The following PIK3CG variants were observed in gnomAD, a reference collection of about 807,000 sequenced individuals.
PIK3CG encodes the protein phosphatidylinositol 4,5-bisphosphate 3-kinase catalytic subunit gamma isoform.
A neutral mutation model predicts 102.3 loss-of-function variants in PIK3CG; 55 were observed. That is an observed-to-expected ratio of 0.54 (90% CI 0.43 to 0.67). The LOEUF (loss-of-function observed/expected upper bound fraction) is 0.67, where lower values mean the gene tolerates loss of function less well. PIK3CG is among the 30% of genes least tolerant of loss of function. PIK3CG has a pLI of 0.00. For synonymous variants in PIK3CG, 552 were observed against 540.0 expected, an observed-to-expected ratio of 1.02 and a Z score of -0.31; for missense variants, 1,258 against 1,391.8, an observed-to-expected ratio of 0.90 and a Z score of 1.53.
Position 106,890,100 on chromosome 7 carries a change from TAAAC to T in PIK3CG, c.3030+3812_3030+3815del, listed in dbSNP as rs1441196172. On this transcript the variant is annotated intron_variant, in intron 10 of 10. Transcript: ENST00000496166. This position sits in a 1 kb window ranked among gnomAD's most constrained non-coding sequence, Gnocchi z 4.2. ...CTGAACAGTTATAGAATATATATAATAAACAAATGTATTTATATCATTGGCAAAT... is the reference window on the plus strand; with the variant it reads ...CTGAACAGTTATAGAATATATATAATAAATGTATTTATATCATTGGCAAAT... 1.3e-5 allele frequency among the ~76,000 whole-genome samples: 2 copies of T among 152,252 alleles called. No individual in the cohort carries two copies. Among genetic ancestry groups the T allele is most frequent in the African/African-American group, 4.8e-5 (2 of 41,468 alleles).
At position 106,907,781 on chromosome 7, in the gene PIK3CG, T is replaced by TATATATATAACATATATATGCTA. The variant is rs1169507330; in HGVS notation, c.*2403_*2404insACATATATATGCTAATATATATA. ...TATATATATAACATATATATGCTAA[T>TATATATATAACATATATATGCTA]ATATATATATCACACATATATATCA... On this transcript the variant is annotated 3_prime_UTR_variant, in exon 11 of 11. Transcript: ENST00000496166. 2.0e-5 allele frequency among the ~76,000 whole-genome samples: 3 copies of TATATATATAACATATATATGCTA among 147,502 alleles called. No individual in the cohort carries two copies. The highest frequency in any genetic ancestry group is 7.4e-5 in the African/African-American group (3 of 40,586).
Position 106,892,214 on chromosome 7 carries a change from T to A in PIK3CG, c.3030+5922T>A, listed in dbSNP as rs187536746. On this transcript the variant is annotated intron_variant, in intron 10 of 10. Coordinates refer to ENST00000496166, the MANE Select transcript of PIK3CG (RefSeq NM_001282426.2). This position sits in a 1 kb window ranked among gnomAD's most constrained non-coding sequence, Gnocchi z 5.2. ...AGGGCTGCAGCCATCTCAGCATCAT[T>A]TCCGGTCACTATTCTCTACCTCCCC... Among the ~76,000 whole-genome samples the A allele has an allele frequency of 8.0e-4, 121 of 152,028 alleles. 2 individuals carry two copies. Among genetic ancestry groups the A allele is most frequent in the South Asian group, 2.1e-4 (1 of 4,786 alleles).
chr7:106,874,663 AACTCACATAACTCTT>A lies in PIK3CG; in HGVS notation c.2288-36_2288-22del. The A allele has an allele frequency of 8.2e-7, 1 of 1,221,744 alleles. No homozygotes were observed. Among genetic ancestry groups the A allele is most frequent in the Non-Finnish European group, 1.2e-6 (1 of 825,606 alleles). 75.7% of individuals were successfully genotyped at this position (1,221,744 alleles called of 1,614,324 possible). A position where few individuals can be genotyped will look rare whatever the true frequency, so the allele number is the denominator to read the frequency against. On this transcript the variant is annotated intron_variant, in intron 4 of 10. Transcript: ENST00000496166. This position sits in a 1 kb window ranked among gnomAD's most constrained non-coding sequence, Gnocchi z 4.3. ...AATAGATAATATTGATGATTTCTGG[AACTCACATAACTCTT>A]GTGTACTTTTGACAATTACAGTTAT...
Position 106,867,530 on chromosome 7 carries a change from C to G in PIK3CG, c.-12-20C>G, listed in dbSNP as rs1790329066. The G allele has an allele frequency of 6.6e-7, 1 of 1,521,702 alleles. No homozygotes were observed. The highest frequency in any genetic ancestry group is 1.4e-5 in the African/African-American group (1 of 71,836). 94.3% of individuals were successfully genotyped at this position (1,521,702 alleles called of 1,614,324 possible). On this transcript the variant is annotated intron_variant, in intron 1 of 10. Coordinates refer to ENST00000496166, the MANE Select transcript of PIK3CG (RefSeq NM_001282426.2). The surrounding 1 kb of genome is among the most constrained non-coding windows in gnomAD (Gnocchi z 5.1). ...AAAGTGCCTTTCTTGTGACAAATCC[C>G]TGTGTCCCTCCGCTCCCAGGTCGCA...
intron 10 of PIK3CG, among the ~76,000 whole-genome samples, chr7:106,888,472 TC>T (rs1473008201): frequency 2.0e-5 from 3 of 152,210 alleles, no homozygotes; most frequent in Non-Finnish European, 2.9e-5. Context: ...AGAGGTTTCT[TC>T]CCACTATCGG....
Position 106,867,439 on chromosome 7 carries a change from G to A in PIK3CG, c.-12-111G>A, listed in dbSNP as rs1405098729. 10 of 966,884 alleles carry A rather than the reference G, an allele frequency of 1.0e-5. No individual in the cohort carries two copies. Among genetic ancestry groups the A allele is most frequent in the Non-Finnish European group, 1.4e-5 (9 of 641,250 alleles). 59.9% of individuals were successfully genotyped at this position (966,884 alleles called of 1,614,324 possible). On this transcript the variant is annotated intron_variant, in intron 1 of 10. Coordinates refer to ENST00000496166, the MANE Select transcript of PIK3CG (RefSeq NM_001282426.2). This position sits in a 1 kb window ranked among gnomAD's most constrained non-coding sequence, Gnocchi z 5.1. ...CAGTTTAAAATACTTGGTCCCTCTG[G>A]GTCCCTGTGCACATGTACGCCGCCT...
Position 106,883,242 on chromosome 7 carries a change from G to C in PIK3CG, c.2760+79G>C, listed in dbSNP as rs1790995825. 2.1e-6 allele frequency: 3 copies of C among 1,462,868 alleles called. No individual in the cohort carries two copies. The highest frequency in any genetic ancestry group is 2.8e-6 in the Non-Finnish European group (3 of 1,053,284). 90.6% of individuals were successfully genotyped at this position (1,462,868 alleles called of 1,614,324 possible). A position where few individuals can be genotyped will look rare whatever the true frequency, so the allele number is the denominator to read the frequency against. On this transcript the variant is annotated intron_variant, in intron 8 of 10. Transcript: ENST00000496166. This position sits in a 1 kb window ranked among gnomAD's most constrained non-coding sequence, Gnocchi z 5.8. ...TAGCAGTAGTGGCTTCAAGTTTTCA[G>C]AGAATCTGCCAGTGTCTTGCCTCCT...
intron 10 of PIK3CG, among the ~76,000 whole-genome samples, chr7:106,901,801 C>G (rs1039227990): frequency 1.3e-5 from 2 of 152,164 alleles, no homozygotes; most frequent in Non-Finnish European, 2.9e-5. Flanking sequence ...GACTTCTTGT[C>G]CCTGGTTTCA....
chr7:106,868,693 G>A lies in PIK3CG; in HGVS notation c.1132G>A (p.Asp378Asn), dbSNP rs753981231. 6.8e-6 allele frequency: 11 copies of A among 1,614,076 alleles called. No homozygotes were observed. The Admixed American group carries it at 1.0e-4, about 15-fold the overall frequency. Reference protein sequence around the residue: ...IDIPVLPRNTDLTVFVEANIQ... With the variant: ...IDIPVLPRNTNLTVFVEANIQ... ...TATCCCCGTCCTGCCTCGGAACACC[G>A]ACCTCACAGTTTTTGTAGAGGCAAA... Residue 378 changes from aspartate (D) to asparagine (N), a missense_variant, in exon 2 of 11, where the codon GAC (aspartate) becomes AAC (asparagine). Around this residue, in one of 2 missense-constraint regions of PIK3CG, gnomAD observed 832 missense variants for 787.5 expected, o/e 1.06. Transcript: ENST00000496166. This position sits in a 1 kb window ranked among gnomAD's most constrained non-coding sequence, Gnocchi z 6.2.
rs554278076 is a variant in PIK3CG at position 106,878,820 on chromosome 7, T to C, written c.2392-699T>C. 2.4e-4 allele frequency among the ~76,000 whole-genome samples: 36 copies of C among 152,352 alleles called. No homozygotes were observed. The South Asian group carries it at 2.5e-3, about 11-fold the overall frequency. ...CTATCCACTGTCCATTATTTAAAGA[T>C]TGGTAGGAATTATGACATATTAATA... On this transcript the variant is annotated intron_variant, in intron 5 of 10. Transcript: ENST00000496166.
rs770273686 is a variant in PIK3CG at position 106,903,544 on chromosome 7, C to G, written c.3031-1565C>G. ...TGTTTTATGTGTTCATCCTAGGAAT[C>G]ATGTTATTGTTGTTACCATTGATTT... On this transcript the variant is annotated intron_variant, in intron 10 of 10. Coordinates refer to ENST00000496166, the MANE Select transcript of PIK3CG (RefSeq NM_001282426.2). The surrounding 1 kb of genome is among the most constrained non-coding windows in gnomAD (Gnocchi z 4.3). 2.0e-5 allele frequency among the ~76,000 whole-genome samples: 3 copies of G among 151,716 alleles called. No homozygotes were observed. The highest frequency in any genetic ancestry group is 4.4e-5 in the Non-Finnish European group (3 of 67,946).
At position 106,903,287 on chromosome 7, in the gene PIK3CG, A is replaced by C. The variant is rs1294060363; in HGVS notation, c.3031-1822A>C. Among the ~76,000 whole-genome samples, 6 of 152,094 alleles carry C rather than the reference A, an allele frequency of 3.9e-5. No homozygotes were observed. Among genetic ancestry groups the C allele is most frequent in the Non-Finnish European group, 5.9e-5 (4 of 68,008 alleles). On this transcript the variant is annotated intron_variant, in intron 10 of 10. Transcript: ENST00000496166. This position sits in a 1 kb window ranked among gnomAD's most constrained non-coding sequence, Gnocchi z 4.3. The stretch of plus-strand genomic sequence containing the variant: ...TTTCAAAATGTTCTCTCAGGCCCTA[A>C]TTATTTCAGATGAACTTTAAACCAT...
At chr7:106,873,362 G>C (rs942863831) in intron 4 of PIK3CG, among the ~76,000 whole-genome samples, 3 of 152,100 alleles carry the variant, frequency 2.0e-5, no homozygotes, top group Admixed American at 1.3e-4. Context: ...ATATCTCAGA[G>C]TGATATATAG....
rs1290751197 is a variant in PIK3CG at position 106,872,933 on chromosome 7, C to T, written c.2282C>T (p.Ser761Phe). ...SLSAEKYDVS[S>F]QVISQLKQKL... ...TCTGCTGAAAAGTATGACGTCAGTT[C>T]CCAAGGTACGGTGGCTATATTTTCT... The change falls in exon 4 of 11, where the codon TCC becomes TTC. Residue 761 changes from serine to phenylalanine, a missense_variant. Physicochemically the swap from Ser to Phe is radical, Grantham distance 155 (BLOSUM62 -2). Transcript: ENST00000496166. This position sits in a 1 kb window ranked among gnomAD's most constrained non-coding sequence, Gnocchi z 5.3. 5 of 1,608,048 alleles carry T rather than the reference C, an allele frequency of 3.1e-6. No individual in the cohort carries two copies. Among genetic ancestry groups the T allele is most frequent in the African/African-American group, 2.7e-5 (2 of 74,898 alleles).
rs891455006 is a variant in PIK3CG, at chr7:106,879,363, ACAACT to A, written c.2392-155_2392-151del. ...CATGGCATTTCCAGATTTGCTCAAAACAACTTCTGTATTTTTACCCAAATATTGAA... is the reference window on the plus strand; with the variant it reads ...CATGGCATTTCCAGATTTGCTCAAAATCTGTATTTTTACCCAAATATTGAA... On this transcript the variant is annotated intron_variant, in intron 5 of 10. Coordinates refer to ENST00000496166, the MANE Select transcript of PIK3CG (RefSeq NM_001282426.2). This position sits in a 1 kb window ranked among gnomAD's most constrained non-coding sequence, Gnocchi z 4.9. Among the ~76,000 whole-genome samples, 1 of 152,156 alleles carries A rather than the reference ACAACT, an allele frequency of 6.6e-6. No homozygotes were observed. Among genetic ancestry groups the A allele is most frequent in the Non-Finnish European group, 1.5e-5 (1 of 68,032 alleles).
chr7:106,900,699 CT>C (rs1791525784), intron 10 of PIK3CG, among the ~76,000 whole-genome samples: 1 of 152,136 alleles, frequency 6.6e-6, no homozygotes, highest in Non-Finnish European at 1.5e-5. Context: ...TGATAGCAGT[CT>C]TTCCTTTCTA....
At position 106,868,853 on chromosome 7, in the gene PIK3CG, T is replaced by G; in HGVS notation, c.1292T>G (p.Leu431Arg). 1 of 1,614,178 alleles carries G rather than the reference T, an allele frequency of 6.2e-7. No individual in the cohort carries two copies. Among genetic ancestry groups the G allele is most frequent in the Non-Finnish European group, 8.5e-7 (1 of 1,180,026 alleles). Residue 431 changes from leucine to arginine, a missense_variant, in exon 2 of 11, where the codon CTC (leucine) becomes CGC (arginine). Coordinates refer to ENST00000496166, the MANE Select transcript of PIK3CG (RefSeq NM_001282426.2). The surrounding 1 kb of genome is among the most constrained non-coding windows in gnomAD (Gnocchi z 6.2). Reference sequence around the variant, plus strand: ...TTGCCCAAAGGGGCTCTACTGAACCTCCAGATCTACTGCGGTAAAGCTCCA... The same window carrying G: ...TTGCCCAAAGGGGCTCTACTGAACCGCCAGATCTACTGCGGTAAAGCTCCA... ...KDLPKGALLN[L>R]QIYCGKAPAL...
chr7:106,884,574 C>T lies in PIK3CG; in HGVS notation c.2872+308C>T, dbSNP rs1468921266. ...TGTAGGGACACTGGTGCTTCAGTTACTCTAGAGCAGTGGCCCCCAACCTCT... is the reference window on the plus strand; with the variant it reads ...TGTAGGGACACTGGTGCTTCAGTTATTCTAGAGCAGTGGCCCCCAACCTCT... On this transcript the variant is annotated intron_variant, in intron 9 of 10. Transcript: ENST00000496166. The surrounding 1 kb of genome is among the most constrained non-coding windows in gnomAD (Gnocchi z 4.2). 6.6e-6 allele frequency among the ~76,000 whole-genome samples: 1 copy of T among 152,070 alleles called. No individual in the cohort carries two copies. Among genetic ancestry groups the T allele is most frequent in the Non-Finnish European group, 1.5e-5 (1 of 68,008 alleles).
At position 106,867,418 on chromosome 7, in the gene PIK3CG, T is replaced by C; in HGVS notation, c.-12-132T>C. On this transcript the variant is annotated intron_variant, in intron 1 of 10. Transcript: ENST00000496166. The surrounding 1 kb of genome is among the most constrained non-coding windows in gnomAD (Gnocchi z 5.1). ...TCTGAAGGGCTGTAGTGCTTCCAGT[T>C]TAAAATACTTGGTCCCTCTGGGTCC... 1 of 799,962 alleles carries C rather than the reference T, an allele frequency of 1.3e-6. No homozygotes were observed. The highest frequency in any genetic ancestry group is 2.0e-6 in the Non-Finnish European group (1 of 501,800). The allele number at this position is 799,962 out of a possible 1,614,324, so 49.6% of individuals were successfully genotyped here.
Sources: allele counts gnomAD v4.1 joint callset (sites outside exome capture counted in the v4.1 genomes callset), GRCh38; gene constraint gnomAD v4.1.1; regional missense constraint gnomAD v4.1.1; non-coding constraint Gnocchi (gnomAD v3.1); transcripts MANE v1.5; gene names NCBI Gene and HGNC (gene_info 2026-07-23, HGNC 2026-07-21).